SPATS2: variants seen among roughly 807,000 people sequenced by gnomAD.
SPATS2 encodes spermatogenesis associated serine rich 2.
Under a neutral mutation model 63.7 loss-of-function variants are expected in SPATS2, and 38 were observed. That is an observed-to-expected ratio of 0.60 (90% CI 0.46 to 0.78). The LOEUF (loss-of-function observed/expected upper bound fraction) is 0.78, where lower values mean the gene tolerates loss of function less well. Among genes scored for constraint, SPATS2 ranks in the 30% least tolerant of loss-of-function variants. The probability of loss-of-function intolerance (pLI) is 0.00; values close to 1 mark genes in which losing one functional copy is unlikely to be tolerated. For missense variants in SPATS2, 588 were observed against 666.2 expected (o/e 0.88, Z 1.29); for synonymous variants, 207 against 232.9 (o/e 0.89, Z 1.01).
intron 3 of SPATS2, among the ~76,000 whole-genome samples, chr12:49,474,565 T>G (rs1294229731): frequency 6.6e-6 from 1 of 152,182 alleles, no homozygotes; most frequent in Non-Finnish European, 1.5e-5. Flanking sequence ...ACAAACAACT[T>G]CTCTCAGATC....
rs189550771 is a variant in SPATS2 at position 49,402,344 on chromosome 12, G to A, written c.-244+31054G>A. Among the ~76,000 whole-genome samples the A allele has an allele frequency of 9.2e-4, 140 of 152,308 alleles. 3 individuals are homozygous for A. The East Asian group carries it at 0.025, about 28-fold the overall frequency. On this transcript the variant is annotated intron_variant, in intron 2 of 13. Coordinates refer to ENST00000552918, the MANE Select transcript of SPATS2 (RefSeq NM_023071.4). ...TGAAGCTGAGGAGGAAAATGAGGAT[G>A]TAAGAGGGGAATGGGATCAATGGCT... is the stretch of plus-strand genomic sequence containing the variant.
chr12:49,376,268 AT>A (rs1296441952), intron 2 of SPATS2, among the ~76,000 whole-genome samples: 2 of 150,894 alleles, frequency 1.3e-5, no homozygotes, highest in African/African-American at 4.9e-5. Flanking sequence ...CGCCCAGCTA[AT>A]TTTTTGTATT....
At chr12:49,489,602 T>G (rs1946350858) in intron 5 of SPATS2, 29 bp downstream of exon 5, 1 of 1,571,624 alleles carries the variant, frequency 6.4e-7, no homozygotes, top group Non-Finnish European at 8.7e-7. Context: ...TAAAAATAAA[T>G]TTATATTTGC....
chr12:49,522,913 G>A, intron 12 of SPATS2, 60 bp downstream of exon 12: 1 of 1,412,738 alleles, frequency 7.1e-7, no homozygotes, highest in South Asian at 1.2e-5. Context: ...AGACTGACGT[G>A]CTGATTGTCT....
chr12:49,491,270 T>G (rs1291637728), intron 6 of SPATS2: 1 of 152,254 alleles, frequency 6.6e-6, no homozygotes, highest in Non-Finnish European at 1.5e-5. Context: ...ATTAGACGGG[T>G]GAAAAAGACA....
At chr12:49,513,927 C>T (rs1387127638) in intron 9 of SPATS2, among the ~76,000 whole-genome samples, 4 of 152,100 alleles carry the variant, frequency 2.6e-5, no homozygotes, top group South Asian at 2.1e-4. Context: ...GAGGCCGAGG[C>T]GGGCGGATCA....
intron 2 of SPATS2, among the ~76,000 whole-genome samples, chr12:49,391,919 C>T (rs1944424866): frequency 6.6e-6 from 1 of 152,096 alleles, no homozygotes; most frequent in Admixed American, 6.6e-5. Context: ...GATTTCTTTT[C>T]TCAGTCAGAG....
intron 2 of SPATS2, among the ~76,000 whole-genome samples, chr12:49,455,409 T>C (rs1313418826): frequency 6.6e-6 from 1 of 152,202 alleles, no homozygotes; most frequent in African/African-American, 2.4e-5. Flanking sequence ...CAAGGTCTCC[T>C]ATAGTCTCTG....
At chr12:49,430,434 ATATT>A (rs1235883144) in intron 2 of SPATS2, among the ~76,000 whole-genome samples, 13 of 152,032 alleles carry the variant, frequency 8.6e-5, no homozygotes, top group Non-Finnish European at 1.5e-4. Flanking sequence ...GATGAAAATG[ATATT>A]TATTGGTAAA....
intron 2 of SPATS2, chr12:49,389,986 C>G (rs949874996): frequency 1.1e-5 from 9 of 833,304 alleles, no homozygotes; most frequent in Non-Finnish European, 1.9e-5. Context: ...AATTGACAAG[C>G]AACAGGATTG....
At chr12:49,486,788 A>T (rs1321079045) in intron 4 of SPATS2, among the ~76,000 whole-genome samples, 1 of 151,870 alleles carries the variant, frequency 6.6e-6, no homozygotes, top group Non-Finnish European at 1.5e-5. Context: ...CAAAAAAAAA[A>T]AAAAGAAAAA....
At chr12:49,422,982 T>C (rs1451034705) in intron 2 of SPATS2, among the ~76,000 whole-genome samples, 1 of 152,164 alleles carries the variant, frequency 6.6e-6, no homozygotes, top group Non-Finnish European at 1.5e-5. Context: ...TTTGATTACC[T>C]TTGTATGTTG....
At chr12:49,381,793 G>T (rs1944227481) in intron 2 of SPATS2, among the ~76,000 whole-genome samples, 2 of 152,208 alleles carry the variant, frequency 1.3e-5, no homozygotes, top group African/African-American at 4.8e-5. Context: ...AAAGAAGATA[G>T]ATGAGAATAG....
At chr12:49,512,188 T>G (rs1043828661) in intron 9 of SPATS2, among the ~76,000 whole-genome samples, 2 of 152,234 alleles carry the variant, frequency 1.3e-5, no homozygotes, top group Non-Finnish European at 2.9e-5. Flanking sequence ...TAAGTGCTGA[T>G]CAACCTTTTC....
intron 2 of SPATS2, among the ~76,000 whole-genome samples, chr12:49,417,532 A>G (rs913987662): frequency 1.3e-5 from 2 of 152,200 alleles, no homozygotes; most frequent in Non-Finnish European, 2.9e-5. Flanking sequence ...TTATGTGGTG[A>G]TCTGGCTCTG....
chr12:49,374,387 T>TA (rs1344188256), intron 2 of SPATS2, among the ~76,000 whole-genome samples: 2 of 152,106 alleles, frequency 1.3e-5, no homozygotes, highest in Non-Finnish European at 2.9e-5. Flanking sequence ...CCCTTGGCCT[T>TA]CCGAAGTGCT....
intron 9 of SPATS2, among the ~76,000 whole-genome samples, chr12:49,513,169 A>G (rs897765846): frequency 3.3e-5 from 5 of 152,052 alleles, no homozygotes; most frequent in Admixed American, 3.3e-4. Flanking sequence ...TGCTAACATA[A>G]CTATGTATTG....
chr12:49,500,688 C>T (rs996313152), intron 9 of SPATS2, among the ~76,000 whole-genome samples: 62 of 151,990 alleles, frequency 4.1e-4, no homozygotes, highest in Admixed American at 1.1e-3. Context: ...AGGAGAATGG[C>T]GTGAACCCGG....
intron 2 of SPATS2, among the ~76,000 whole-genome samples, chr12:49,399,420 C>T (rs1944566670): frequency 6.6e-6 from 1 of 151,966 alleles, no homozygotes; most frequent in African/African-American, 2.4e-5. Flanking sequence ...AGAAATAAGC[C>T]CAAGATGGAT....
Sources: allele counts gnomAD v4.1 joint callset (sites outside exome capture counted in the v4.1 genomes callset), GRCh38; gene constraint gnomAD v4.1.1; transcripts MANE v1.5; gene names NCBI Gene and HGNC (gene_info 2026-07-23, HGNC 2026-07-21).